AK9: variants seen among roughly 807,000 people sequenced by gnomAD.
AK9 encodes adenylate kinase 9, also known as adenylate kinase domain containing 1.
AK9 carries 191 observed loss-of-function variants against 239.6 expected under a neutral mutation model. The observed-to-expected ratio is 0.80, with a 90% CI of 0.71 to 0.90. The LOEUF (loss-of-function observed/expected upper bound fraction) is 0.90, where lower values mean the gene tolerates loss of function less well. Among genes scored for constraint, AK9 ranks in the 40% least tolerant of loss-of-function variants. The pLI is 0.00. For missense variants in AK9, 1,995 were observed against 2,214.7 expected (o/e 0.90, Z 1.99); for synonymous variants, 689 against 721.0 (o/e 0.96, Z 0.71).
chr6:109,659,539 T>C (rs1009442552), intron 6 of AK9, 126 bp from the exon 7 acceptor site: 1 of 1,212,030 alleles, frequency 8.3e-7, no homozygotes, highest in Non-Finnish European at 1.1e-6. Flanking sequence ...GCAAATGCAA[T>C]ATTGTGACTG....
intron 24 of AK9, among the ~76,000 whole-genome samples, chr6:109,558,464 C>T (rs185209345): frequency 6.6e-6 from 1 of 152,224 alleles, no homozygotes; most frequent in African/African-American, 2.4e-5. Flanking sequence ...ATTGTTCCAG[C>T]ACTATTTATT....
Position 109,533,430 on chromosome 6 carries a change from C to G in AK9, c.3391G>C (p.Glu1131Gln). Residue 1131 changes from glutamate to glutamine, a missense_variant, in exon 28 of 41, where the codon GAA becomes CAA. Glu to Gln is a conservative substitution (Grantham distance 29, BLOSUM62 2). This residue lies in a region of AK9 where 1,290 missense variants were observed against 1,392.7 expected (regional missense o/e 0.93). Transcript: ENST00000424296. ...CGATCTCCCAAAAACTGGGCCTCTT[C>G]TGGATATCGTGGGAAACCATCTAAT... ...FILDGFPRYPEEAQFLGDRGF... is the reference protein window; with the variant it reads ...FILDGFPRYPQEAQFLGDRGF... 1 of 1,609,188 alleles carries G rather than the reference C, an allele frequency of 6.2e-7. No individual in the cohort carries two copies. The highest frequency in any genetic ancestry group is 8.5e-7 in the Non-Finnish European group (1 of 1,178,482).
chr6:109,643,121 G>A (rs1309696041), intron 9 of AK9, among the ~76,000 whole-genome samples: 1 of 152,172 alleles, frequency 6.6e-6, no homozygotes, highest in Non-Finnish European at 1.5e-5. Flanking sequence ...GCCAAGGGAA[G>A]AAGGGTGCAG....
intron 12 of AK9, among the ~76,000 whole-genome samples, chr6:109,627,795 C>T (rs973660918): frequency 1.3e-5 from 2 of 152,074 alleles, no homozygotes; most frequent in Non-Finnish European, 2.9e-5. Flanking sequence ...TGGGATTACA[C>T]ATGTGCACCA....
chr6:109,664,931 T>A (rs1800970630), intron 5 of AK9, among the ~76,000 whole-genome samples: 1 of 149,526 alleles, frequency 6.7e-6, no homozygotes, highest in Non-Finnish European at 1.5e-5. Flanking sequence ...TCCCAGCTAC[T>A]CGGGAGGCTG....
At chr6:109,559,300 T>C (rs1785434310) in intron 24 of AK9, among the ~76,000 whole-genome samples, 1 of 152,174 alleles carries the variant, frequency 6.6e-6, no homozygotes, top group South Asian at 2.1e-4. Context: ...CCCGAGTAGC[T>C]GGGACTACAG....
At chr6:109,628,782 A>G (rs1012379026) in intron 12 of AK9, among the ~76,000 whole-genome samples, 3 of 152,018 alleles carry the variant, frequency 2.0e-5, no homozygotes, top group African/African-American at 7.2e-5. Context: ...TTCTCTAGCT[A>G]TCTGTTGTCT....
At chr6:109,518,330 T>G (rs1333264514) in intron 29 of AK9, among the ~76,000 whole-genome samples, 1 of 152,120 alleles carries the variant, frequency 6.6e-6, no homozygotes, top group Non-Finnish European at 1.5e-5. Flanking sequence ...TTGTTCCTTT[T>G]TATTATATCT....
At chr6:109,561,297 GT>G (rs1183338079) in intron 24 of AK9, among the ~76,000 whole-genome samples, 4 of 151,202 alleles carry the variant, frequency 2.6e-5, no homozygotes, top group African/African-American at 9.7e-5. Flanking sequence ...AGAATCCTAG[GT>G]TGACAGTTTA....
chr6:109,563,450 G>A (rs1583020886), intron 24 of AK9, 147 bp downstream of exon 24: 1 of 1,231,270 alleles, frequency 8.1e-7, no homozygotes, highest in Non-Finnish European at 1.1e-6. Flanking sequence ...ATTTCAGGGG[G>A]GTCAAGTGAA....
chr6:109,636,646 T>C (rs1251926730), intron 10 of AK9, among the ~76,000 whole-genome samples: 1 of 150,640 alleles, frequency 6.6e-6, no homozygotes, highest in Non-Finnish European at 1.5e-5. Flanking sequence ...TGGAATCATA[T>C]GTTTGCCCTT....
intron 12 of AK9, 26 bp downstream of exon 12, chr6:109,632,894 GATA>G: frequency 6.2e-7 from 1 of 1,601,746 alleles, no homozygotes; most frequent in Non-Finnish European, 8.5e-7. Flanking sequence ...TAGATAGATA[GATA>G]GATAGACAGA....
chr6:109,641,666 A>C, intron 9 of AK9, 50 bp from the exon 10 acceptor site: 4 of 1,478,072 alleles, frequency 2.7e-6, no homozygotes, highest in Non-Finnish European at 3.8e-6. Flanking sequence ...GAATATCTCA[A>C]ATACTCTGAA....
chr6:109,564,360 C>A, intron 22 of AK9, 80 bp from the exon 23 acceptor site: 2 of 1,146,102 alleles, frequency 1.7e-6, no homozygotes, highest in African/African-American at 1.6e-5. Flanking sequence ...ATAGCTTATA[C>A]TTTGCAATTT....
intron 21 of AK9, among the ~76,000 whole-genome samples, chr6:109,567,672 G>A (rs1474914470): frequency 1.4e-5 from 2 of 138,334 alleles, no homozygotes; most frequent in African/African-American, 5.4e-5. Flanking sequence ...TCATAGGTGG[G>A]AATTGAACAA....
At chr6:109,592,446 CTTTTTT>C (rs55998817) in intron 17 of AK9, among the ~76,000 whole-genome samples, 32 of 126,760 alleles carry the variant, frequency 2.5e-4, no homozygotes, top group Non-Finnish European at 4.2e-4. Context: ...AATGGGATTT[CTTTTTT>C]TTTTTTTTTT....
intron 32 of AK9, among the ~76,000 whole-genome samples, chr6:109,509,812 G>A (rs1324424855): frequency 6.6e-6 from 1 of 152,108 alleles, no homozygotes; most frequent in Non-Finnish European, 1.5e-5. Context: ...TGCCCCTTGT[G>A]AGTTGGTGGG....
Position 109,672,142 on chromosome 6 carries a change from A to C in AK9, c.207T>G (p.Ile69Met), listed in dbSNP as rs775968887. 1 of 1,613,258 alleles carries C rather than the reference A, an allele frequency of 6.2e-7. No homozygotes were observed. The highest frequency in any genetic ancestry group is 8.5e-7 in the Non-Finnish European group (1 of 1,179,614). The change falls in exon 4 of 41, where the codon ATT (isoleucine) becomes ATG (methionine). Residue 69 changes from isoleucine to methionine, a missense_variant. Transcript: ENST00000424296. ...TAACTCCTGATTCGGTTTCAGCAGCAATCTGTTCTTCTAAAATTGGCAAAG... is the reference window on the plus strand; with the variant it reads ...TAACTCCTGATTCGGTTTCAGCAGCCATCTGTTCTTCTAAAATTGGCAAAG... Reference protein sequence around the residue: ...VEALPILEEQIAAETESGVML... With the variant: ...VEALPILEEQMAAETESGVML...
In AK9 at chr6:109,587,072, AG is replaced by A. The variant is rs528063427; in HGVS notation, c.1843-1001del. Reference sequence around the variant, plus strand: ...ATCCTCCCCCTTTAGCCTCCTGAGTAGCTGGGACTATAGGCTTGCACCACTA... The same window carrying A: ...ATCCTCCCCCTTTAGCCTCCTGAGTACTGGGACTATAGGCTTGCACCACTA... On this transcript the variant is annotated intron_variant, in intron 17 of 40. Coordinates refer to ENST00000424296, the MANE Select transcript of AK9 (RefSeq NM_001145128.3). 1.2e-4 allele frequency among the ~76,000 whole-genome samples: 18 copies of A among 152,200 alleles called. No homozygotes were observed. The South Asian group carries it at 1.9e-3, about 16-fold the overall frequency.
Sources: allele counts gnomAD v4.1 joint callset (sites outside exome capture counted in the v4.1 genomes callset), GRCh38; gene constraint gnomAD v4.1.1; regional missense constraint gnomAD v4.1.1; transcripts MANE v1.5; gene names NCBI Gene and HGNC (gene_info 2026-07-23, HGNC 2026-07-21).